Variants in FRMD6 observed in about 807,000 individuals in gnomAD.
FRMD6 encodes the protein FERM domain-containing protein 6.
FRMD6 carries 37 observed loss-of-function variants against 73.2 expected under a neutral mutation model. The ratio of observed to expected loss-of-function variants is 0.51; its 90% CI spans 0.39 to 0.66. FRMD6 has a LOEUF of 0.66. Ranked by LOEUF, FRMD6 falls within the 30% of genes least tolerant of loss-of-function variation. The pLI is 0.00. For missense variants in FRMD6, 714 were observed against 780.5 expected (o/e 0.91, Z 1.02); for synonymous variants, 273 against 282.2 (o/e 0.97, Z 0.33).
intron 2 of FRMD6, among the ~76,000 whole-genome samples, chr14:51,602,489 C>A (rs1264117604): frequency 6.6e-6 from 1 of 152,190 alleles, no homozygotes. Context: ...AAGAAGAAGA[C>A]TATTTTATGA....
intron 9 of FRMD6, among the ~76,000 whole-genome samples, chr14:51,713,390 G>A (rs763832476): frequency 6.0e-5 from 9 of 150,436 alleles, no homozygotes; most frequent in Admixed American, 2.0e-4. Context: ...CCCGAGAGGC[G>A]ATGGTTGCCA....
intron 1 of FRMD6, among the ~76,000 whole-genome samples, chr14:51,504,050 T>C (rs55749175): frequency 0.053 from 8,076 of 152,252 alleles, 379 homozygotes; most frequent in African/African-American, 0.12. Context: ...AGTGGTTGTT[T>C]GTATTTCCGG....
the FRMD6 span, among the ~76,000 whole-genome samples, chr14:51,398,439 C>G: frequency 6.6e-6 from 1 of 152,124 alleles, no homozygotes; most frequent in Non-Finnish European, 1.5e-5. Flanking sequence ...GCAACTTACT[C>G]AAGAACAATA....
intron 2 of FRMD6, among the ~76,000 whole-genome samples, chr14:51,631,147 T>C (rs1891321134): frequency 6.6e-6 from 1 of 152,170 alleles, no homozygotes; most frequent in African/African-American, 2.4e-5. Flanking sequence ...AGAATTAAAC[T>C]GGTACATTTT....
rs778597334 is a variant in FRMD6 at position 51,725,865 on chromosome 14, C to T, written c.1579C>T (p.Pro527Ser). Reference protein sequence around the residue: ...KLRGQSTDSLPQTICRKPKTS... With the variant: ...KLRGQSTDSLSQTICRKPKTS... ...TCGTGGCCAGAGTACTGATTCTCTT[C>T]CACAGGTATTAAAGGAATTGAAAAA... Residue 527 changes from proline to serine, a missense_variant, in exon 13 of 14, where the codon CCA (proline) becomes TCA (serine). Physicochemically the swap from Pro to Ser is moderately conservative, Grantham distance 74. Transcript: ENST00000344768. The T allele has an allele frequency of 1.2e-6, 2 of 1,610,038 alleles. No homozygotes were observed. Among genetic ancestry groups the T allele is most frequent in the African/African-American group, 1.3e-5 (1 of 74,766 alleles).
intron 1 of FRMD6, among the ~76,000 whole-genome samples, chr14:51,688,398 T>C (rs1409762244): frequency 6.6e-6 from 1 of 152,232 alleles, no homozygotes; most frequent in East Asian, 1.9e-4. Context: ...TTATTTATTC[T>C]TTAAGAAGAA....
the FRMD6 span, among the ~76,000 whole-genome samples, chr14:51,475,730 G>C: frequency 6.6e-6 from 1 of 152,186 alleles, no homozygotes; most frequent in Non-Finnish European, 1.5e-5. Flanking sequence ...ATCAAAGGAT[G>C]AAACAGGTAA....
intron 1 of FRMD6, among the ~76,000 whole-genome samples, chr14:51,678,576 A>G (rs1894558921): frequency 6.6e-6 from 1 of 152,130 alleles, no homozygotes; most frequent in East Asian, 1.9e-4. Context: ...CTTAATTGCT[A>G]GGGATTCATT....
At chr14:51,477,355 C>G in the FRMD6 span, among the ~76,000 whole-genome samples, 3 of 152,204 alleles carry the variant, frequency 2.0e-5, no homozygotes, top group African/African-American at 7.2e-5. Flanking sequence ...CGTGCAAAGG[C>G]TGTAGGAATT....
chr14:51,599,136 T>C (rs117631279), intron 2 of FRMD6, among the ~76,000 whole-genome samples: 4,601 of 149,964 alleles, frequency 0.031, 109 homozygotes, highest in East Asian at 0.091. Flanking sequence ...GTGGTTTTGC[T>C]TTGCATTTCT....
Position 51,631,903 on chromosome 14 carries a change from T to C in FRMD6, c.-146-57788T>C, listed in dbSNP as rs17124356. ...TGATTGGTGTCCCTAAGAAAAGCAG[T>C]AATAACATTAGCATAGATCGATGTT... On this transcript the variant is annotated intron_variant, in intron 2 of 14. Coordinates refer to the FRMD6 transcript ENST00000356218. Among the ~76,000 whole-genome samples, 1,500 of 152,306 alleles carry C rather than the reference T, an allele frequency of 9.8e-3. 74 individuals are homozygous for C. The highest frequency in any genetic ancestry group is 0.081 in the Admixed American group (1,238 of 15,298).
chr14:51,451,563 T>C, the FRMD6 span, among the ~76,000 whole-genome samples: 2 of 152,188 alleles, frequency 1.3e-5, no homozygotes, highest in South Asian at 4.1e-4. Context: ...ATTTTTTTAG[T>C]AGACACAGGA....
At chr14:51,405,964 T>G in the FRMD6 span, among the ~76,000 whole-genome samples, 1 of 152,198 alleles carries the variant, frequency 6.6e-6, no homozygotes, top group African/African-American at 2.4e-5. Context: ...TTTACAGTTT[T>G]GGGTTTTACA....
intron 10 of FRMD6, among the ~76,000 whole-genome samples, chr14:51,717,882 C>A (rs12147432): frequency 0.1 from 15,723 of 152,216 alleles, 1,069 homozygotes; most frequent in Non-Finnish European, 0.16. Context: ...CAAAAACATG[C>A]CTTGCGTCAT....
chr14:51,638,498 G>A (rs1891672541), intron 2 of FRMD6, among the ~76,000 whole-genome samples: 1 of 152,112 alleles, frequency 6.6e-6, no homozygotes, highest in Non-Finnish European at 1.5e-5. Flanking sequence ...GCTGACAGAT[G>A]AGCCTCTTGT....
chr14:51,405,559 T>C, the FRMD6 span, among the ~76,000 whole-genome samples: 2 of 152,160 alleles, frequency 1.3e-5, no homozygotes, highest in African/African-American at 4.8e-5. Context: ...ATTTCTCTAA[T>C]GATCAGTGAC....
At chr14:51,596,329 G>A (rs146964461) in intron 2 of FRMD6, among the ~76,000 whole-genome samples, 1 of 151,548 alleles carries the variant, frequency 6.6e-6, no homozygotes, top group African/African-American at 2.4e-5. Flanking sequence ...CCAGAATCAA[G>A]CACCCTCACA....
At chr14:51,653,451 C>T (rs968434924) in intron 1 of FRMD6, among the ~76,000 whole-genome samples, 10 of 152,106 alleles carry the variant, frequency 6.6e-5, no homozygotes, top group African/African-American at 2.4e-4. Flanking sequence ...GAAAATTTTC[C>T]GTAATACATC....
chr14:51,707,529 C>T (rs192528080), intron 6 of FRMD6, among the ~76,000 whole-genome samples: 3 of 152,236 alleles, frequency 2.0e-5, no homozygotes, highest in South Asian at 4.2e-4. Context: ...TTGAATGAAA[C>T]GGTTTTCTCA....
Sources: gnomAD v4.1 joint callset for allele counts (sites outside exome capture counted in the v4.1 genomes callset) on GRCh38, gnomAD v4.1.1 for gene constraint, MANE v1.5 for transcripts, NCBI Gene and HGNC (gene_info 2026-07-23, HGNC 2026-07-21) for gene names.